The following MYO1E variants were observed in gnomAD, a reference collection of about 807,000 sequenced individuals.
MYO1E encodes myosin IE.
In MYO1E, 68 loss-of-function variants were observed where a neutral mutation model predicts 151.1. The observed-to-expected ratio is 0.45, with a 90% CI of 0.37 to 0.55. The LOEUF is 0.55. Ranked by LOEUF, MYO1E falls within the 20% of genes least tolerant of loss-of-function variation. The probability of loss-of-function intolerance (pLI) is 0.00; values close to 1 mark genes in which losing one functional copy is unlikely to be tolerated. For synonymous variants in MYO1E, 601 were observed against 501.7 expected (o/e 1.20, Z -2.64); for missense variants, 1,363 against 1,389.3 (o/e 0.98, Z 0.30).
chr15:59,315,307 T>C (rs1835854627), intron 1 of MYO1E, among the ~76,000 whole-genome samples: 3 of 152,192 alleles, frequency 2.0e-5, no homozygotes, highest in Admixed American at 2.0e-4. Context: ...CTTCTTTGGC[T>C]ACATGTTTTG....
At chr15:59,234,281 CACGGATGGATGG>C (rs1165644977) in intron 5 of MYO1E, among the ~76,000 whole-genome samples, 2 of 149,640 alleles carry the variant, frequency 1.3e-5, no homozygotes, top group Non-Finnish European at 2.9e-5. Flanking sequence ...TGGATGGATG[CACGGATGGATGG>C]ATGGATGGAT....
At chr15:59,330,764 T>G (rs1237153539) in intron 1 of MYO1E, among the ~76,000 whole-genome samples, 1 of 152,174 alleles carries the variant, frequency 6.6e-6, no homozygotes, top group Non-Finnish European at 1.5e-5. Flanking sequence ...TTTTTAATTT[T>G]TATTTATTTG....
intron 1 of MYO1E, among the ~76,000 whole-genome samples, chr15:59,365,550 CTA>C (rs1250096323): frequency 6.6e-6 from 1 of 152,142 alleles, no homozygotes; most frequent in African/African-American, 2.4e-5. Flanking sequence ...TAAAAACTAG[CTA>C]TGAGACTTTG....
At chr15:59,202,264 C>T in intron 16 of MYO1E, 62 bp downstream of exon 16, 1 of 1,463,422 alleles carries the variant, frequency 6.8e-7, no homozygotes, top group Non-Finnish European at 9.6e-7. Context: ...GGGTGCAGTT[C>T]CTTACTCCTA....
At chr15:59,228,203 C>T (rs1215459085) in intron 6 of MYO1E, among the ~76,000 whole-genome samples, 3 of 152,068 alleles carry the variant, frequency 2.0e-5, no homozygotes, top group Admixed American at 6.6e-5. Flanking sequence ...TTATATATAG[C>T]CAGGCGCGGT....
chr15:59,364,108 T>G (rs1306475753), intron 1 of MYO1E, among the ~76,000 whole-genome samples: 11 of 152,184 alleles, frequency 7.2e-5, no homozygotes, highest in African/African-American at 2.7e-4. Flanking sequence ...GCTAACCTCC[T>G]TTGCCATGGC....
rs77872476 is a variant in MYO1E at position 59,216,120 on chromosome 15, T to C, written c.1108-1400A>G. Among the ~76,000 whole-genome samples, 564 of 152,300 alleles carry C rather than the reference T, an allele frequency of 3.7e-3. 4 individuals are homozygous for C. The highest frequency in any genetic ancestry group is 0.013 in the African/African-American group (536 of 41,562). On this transcript the variant is annotated intron_variant, in intron 10 of 27. Transcript: ENST00000288235. ...ATACCTTAAGCCGTATAAATGTTAG[T>C]GCCTGGAATCAAATACAGATCTTTT...
At position 59,207,747 on chromosome 15, in the gene MYO1E, T is replaced by G. The variant is rs61754904; in HGVS notation, c.1530+934A>C. On this transcript the variant is annotated intron_variant, in intron 14 of 27. Coordinates refer to ENST00000288235, the MANE Select transcript of MYO1E (RefSeq NM_004998.4). ...AGGATCTGAACTCTGATATAGGAAC[T>G]GATAAAGATCCTGAGCAATGGAAAA... 6,022 of 1,614,152 alleles carry G rather than the reference T, an allele frequency of 3.7e-3. 15 individuals are homozygous for G. Among genetic ancestry groups the G allele is most frequent in the Non-Finnish European group, 4.8e-3 (5,656 of 1,180,006 alleles).
intron 1 of MYO1E, among the ~76,000 whole-genome samples, chr15:59,351,871 C>T (rs1264899701): frequency 1.3e-5 from 2 of 152,178 alleles, no homozygotes; most frequent in African/African-American, 4.8e-5. Flanking sequence ...AGTTCTCCAG[C>T]GCCAGGACTG....
intron 22 of MYO1E, among the ~76,000 whole-genome samples, chr15:59,164,037 G>A (rs2079551638): frequency 6.6e-6 from 1 of 152,244 alleles, no homozygotes; most frequent in African/African-American, 2.4e-5. Context: ...TATGCCTGGA[G>A]GGGAGCAGGT....
At chr15:59,332,476 C>G (rs1596423100) in intron 1 of MYO1E, among the ~76,000 whole-genome samples, 1 of 152,118 alleles carries the variant, frequency 6.6e-6, no homozygotes, top group Non-Finnish European at 1.5e-5. Context: ...GTGGCTGACA[C>G]TAGGGAGGCC....
At chr15:59,297,260 A>G (rs7178200) in intron 1 of MYO1E, among the ~76,000 whole-genome samples, 14,582 of 150,270 alleles carry the variant, frequency 0.097, 1,023 homozygotes, top group East Asian at 0.37. Context: ...AGGATCATGT[A>G]CCACATTTGT....
intron 1 of MYO1E, among the ~76,000 whole-genome samples, chr15:59,359,231 G>C (rs1483486214): frequency 6.6e-6 from 1 of 150,530 alleles, no homozygotes; most frequent in African/African-American, 2.5e-5. Context: ...TTCTAGACTA[G>C]CCTGAGCAAC....
chr15:59,254,698 C>G (rs1347192807), intron 4 of MYO1E, among the ~76,000 whole-genome samples: 2 of 151,428 alleles, frequency 1.3e-5, no homozygotes, highest in Non-Finnish European at 2.9e-5. Context: ...CCAAAAATGT[C>G]TCAGAAAAAT....
intron 26 of MYO1E, among the ~76,000 whole-genome samples, chr15:59,149,047 T>TTTTTG (rs2079459319): frequency 3.3e-5 from 4 of 121,538 alleles, no homozygotes; most frequent in Non-Finnish European, 1.9e-5. Flanking sequence ...TGTTTTTTTT[T>TTTTTG]TTTTGTTTTT....
intron 16 of MYO1E, among the ~76,000 whole-genome samples, chr15:59,200,888 G>A (rs555654001): frequency 6.4e-4 from 97 of 152,210 alleles, no homozygotes; most frequent in African/African-American, 2.3e-3. Context: ...TAACACCTTG[G>A]CAAGCACACA....
chr15:59,211,800 C>G (rs536719637), intron 12 of MYO1E, among the ~76,000 whole-genome samples: 2 of 152,168 alleles, frequency 1.3e-5, no homozygotes, highest in East Asian at 3.9e-4. Context: ...CCCATTCTCT[C>G]ACTCTCCAGA....
intron 1 of MYO1E, among the ~76,000 whole-genome samples, chr15:59,353,205 A>G (rs1230129661): frequency 6.6e-6 from 1 of 151,992 alleles, no homozygotes; most frequent in East Asian, 1.9e-4. Context: ...ATAAAAATGC[A>G]TTTAAGCCAG....
chr15:59,188,173 G>A lies in MYO1E; in HGVS notation c.1849C>T (p.Arg617Ter), dbSNP rs1344931713. ...VEYLGLKENI[R>*]VRRAGYAYRR... ...TAGGCATAGCCAGCTCTTCTCACTCGAATGTTCTCTTTCAGACCCAAATAT... is the reference window on the plus strand; with the variant it reads ...TAGGCATAGCCAGCTCTTCTCACTCAAATGTTCTCTTTCAGACCCAAATAT... Residue 617 changes from arginine to a stop codon, truncating the protein, a stop_gained, in exon 18 of 28, where the codon CGA (arginine) becomes TGA (stop). Coordinates refer to ENST00000288235, the MANE Select transcript of MYO1E (RefSeq NM_004998.4). LOFTEE classifies it high-confidence loss of function. 2 of 1,614,114 alleles carry A rather than the reference G, an allele frequency of 1.2e-6. No homozygotes were observed. The highest frequency in any genetic ancestry group is 1.7e-6 in the Non-Finnish European group (2 of 1,180,036).
Sources: gnomAD v4.1 joint callset for allele counts (sites outside exome capture counted in the v4.1 genomes callset) on GRCh38, gnomAD v4.1.1 for gene constraint, MANE v1.5 for transcripts, NCBI Gene and HGNC (gene_info 2026-07-23, HGNC 2026-07-21) for gene names.